The following KMT2C variants were observed in gnomAD, a reference collection of about 807,000 sequenced individuals.
KMT2C encodes the protein histone-lysine N-methyltransferase 2C.
In KMT2C, 88 loss-of-function variants were observed where a neutral mutation model predicts 507.9. The observed-to-expected ratio is 0.17, with a 90% CI of 0.15 to 0.21. KMT2C has a LOEUF of 0.21. Ranked by LOEUF, KMT2C falls within the 10% of genes least tolerant of loss-of-function variation. KMT2C has a pLI of 1.00. For synonymous variants in KMT2C, 2,049 were observed against 2,080.8 expected (o/e 0.98, Z 0.42); for missense variants, 4,954 against 5,957.8 (o/e 0.83, Z 5.55).
intron 2 of KMT2C, among the ~76,000 whole-genome samples, chr7:152,343,450 G>GAAAAAA (rs200886066): frequency 1.4e-5 from 1 of 72,458 alleles, no homozygotes; most frequent in Non-Finnish European, 3.1e-5. Context: ...AAAAGACTGG[G>GAAAAAA]AAAAAAAAAA....
At chr7:152,419,609 A>G (rs968629760) in intron 1 of KMT2C, among the ~76,000 whole-genome samples, 2 of 152,184 alleles carry the variant, frequency 1.3e-5, no homozygotes, top group African/African-American at 4.8e-5. Context: ...TCTGTTTAAC[A>G]TCTTCAATGG....
chr7:152,411,521 A>C (rs1218552657), intron 1 of KMT2C, among the ~76,000 whole-genome samples: 2 of 151,782 alleles, frequency 1.3e-5, no homozygotes. Flanking sequence ...CACACCATCT[A>C]TGAGAAAGAG....
In KMT2C at chr7:152,176,752, G is replaced by A. The variant is rs1275807000; in HGVS notation, c.8701C>T (p.Pro2901Ser). The A allele has an allele frequency of 1.2e-6, 2 of 1,614,188 alleles. No homozygotes were observed. Among genetic ancestry groups the A allele is most frequent in the Non-Finnish European group, 8.5e-7 (1 of 1,180,022 alleles). The stretch of plus-strand genomic sequence containing the variant: ...CAAGAGTTTATTACATCTTGAGCAG[G>A]TAGTTGAGTGGATGCCTGAATGACA... ...ANVIQASTQL[P>S]AQDVINSCGI... The change falls in exon 38 of 59, where the codon CCT (proline) becomes TCT (serine). Residue 2901 changes from proline to serine, a missense_variant. Physicochemically the swap from Pro to Ser is moderately conservative, Grantham distance 74. Coordinates refer to ENST00000262189, the MANE Select transcript of KMT2C (RefSeq NM_170606.3).
intron 23 of KMT2C, 146 bp downstream of exon 23, chr7:152,220,377 A>G: frequency 1.5e-6 from 1 of 670,892 alleles, no homozygotes; most frequent in Non-Finnish European, 2.6e-6. Flanking sequence ...AAGATCACTC[A>G]TTTGGAAATG....
intron 12 of KMT2C, 78 bp downstream of exon 12, chr7:152,250,775 G>C: frequency 3.8e-6 from 3 of 798,854 alleles, no homozygotes; most frequent in Non-Finnish European, 6.3e-6. Flanking sequence ...TTTTACTGAA[G>C]TTTTAGTCAA....
intron 1 of KMT2C, among the ~76,000 whole-genome samples, chr7:152,410,084 T>C (rs2097665188): frequency 6.6e-6 from 1 of 152,240 alleles, no homozygotes; most frequent in Non-Finnish European, 1.5e-5. Context: ...TTATTTGTTC[T>C]TTCCCTGTTT....
At chr7:152,170,660 G>C (rs769060493) in intron 40 of KMT2C, among the ~76,000 whole-genome samples, 2 of 152,002 alleles carry the variant, frequency 1.3e-5, no homozygotes, top group Admixed American at 6.6e-5. Context: ...GCGCCACCAC[G>C]CCTGACTAAT....
intron 1 of KMT2C, among the ~76,000 whole-genome samples, chr7:152,426,283 G>C (rs1390683365): frequency 2.0e-5 from 3 of 146,494 alleles, no homozygotes; most frequent in Non-Finnish European, 4.5e-5. Flanking sequence ...TGTCACCCAG[G>C]CTGGAGTGCA....
chr7:152,412,129 C>A (rs981063595), intron 1 of KMT2C, among the ~76,000 whole-genome samples: 2 of 150,900 alleles, frequency 1.3e-5, no homozygotes, highest in Non-Finnish European at 1.5e-5. Flanking sequence ...TGGCCAAGAG[C>A]GGTGGCTCAT....
At chr7:152,252,451 G>C in intron 10 of KMT2C, 95 bp downstream of exon 10, 1 of 953,674 alleles carries the variant, frequency 1.0e-6, no homozygotes, top group Non-Finnish European at 1.6e-6. Context: ...AATTGCTAGA[G>C]TGATAAAAAC....
At chr7:152,262,920 G>A (rs2095804066) in intron 9 of KMT2C, 96 bp downstream of exon 9, 4 of 798,982 alleles carry the variant, frequency 5.0e-6, no homozygotes, top group Non-Finnish European at 2.0e-6. Flanking sequence ...AAAAGCTGAT[G>A]GTGATGATGT....
chr7:152,251,098 T>A, intron 11 of KMT2C, 132 bp from the exon 12 acceptor site: 1 of 603,988 alleles, frequency 1.7e-6, no homozygotes, highest in Admixed American at 3.0e-5. Context: ...TTCAGATTTT[T>A]CTCTGTTGAA....
chr7:152,301,806 CAT>C (rs1388868384), intron 6 of KMT2C, among the ~76,000 whole-genome samples: 1 of 152,134 alleles, frequency 6.6e-6, no homozygotes, highest in Non-Finnish European at 1.5e-5. Context: ...TATTAAATAA[CAT>C]TATTTATAAA....
At chr7:152,428,969 C>A (rs1182181389) in intron 1 of KMT2C, among the ~76,000 whole-genome samples, 1 of 152,180 alleles carries the variant, frequency 6.6e-6, no homozygotes, top group African/African-American at 2.4e-5. Flanking sequence ...CTTGGCCTCA[C>A]CACTACACAC....
At position 152,310,116 on chromosome 7, in the gene KMT2C, T is replaced by C. The variant is rs187922068; in HGVS notation, c.740-41A>G. 4.4e-4 allele frequency: 571 copies of C among 1,294,912 alleles called. 6 individuals are homozygous for C. In the African/African-American group the frequency reaches 7.6e-3, roughly 17 times the overall value. 80.2% of individuals were successfully genotyped at this position (1,294,912 alleles called of 1,614,324 possible). A position where few individuals can be genotyped will look rare whatever the true frequency, so the allele number is the denominator to read the frequency against. ...TGAAAAGGAGCAAATGAGCAAACAT[T>C]AAAAAAATTAAAGCTAATAAATAAA... is the stretch of plus-strand genomic sequence containing the variant. On this transcript the variant is annotated intron_variant, in intron 5 of 58. Transcript: ENST00000262189.
chr7:152,435,032 GAAGTC>G (rs1223063232), intron 1 of KMT2C, among the ~76,000 whole-genome samples: 1 of 152,150 alleles, frequency 6.6e-6, no homozygotes, highest in Non-Finnish European at 1.5e-5. Context: ...GGGGGAGGAA[GAAGTC>G]AAATGGCTTC....
Position 152,163,415 on chromosome 7 carries a change from T to C in KMT2C, c.10162A>G (p.Asn3388Asp). 6.2e-7 allele frequency: 1 copy of C among 1,614,252 alleles called. No homozygotes were observed. The highest frequency in any genetic ancestry group is 8.5e-7 in the Non-Finnish European group (1 of 1,180,056). The change falls in exon 43 of 59, where the codon AAC becomes GAC. Residue 3388 changes from asparagine to aspartate, a missense_variant. By Grantham distance (23) the Asn-to-Asp change is conservative. Around this residue, in one of 29 missense-constraint regions of KMT2C, gnomAD observed 801 missense variants for 751.2 expected, o/e 1.07. Coordinates refer to ENST00000262189, the MANE Select transcript of KMT2C (RefSeq NM_170606.3). The stretch of plus-strand genomic sequence containing the variant: ...TGAAAACTTTCACTAAAGGGATTGT[T>C]GTCATCAAATTCTACCCGAGGTGGT... ...GPPPRVEFDD[N>D]NPFSESFQER...
chr7:152,214,156 TAG>T (rs1029799099), intron 23 of KMT2C, among the ~76,000 whole-genome samples: 1 of 149,298 alleles, frequency 6.7e-6, no homozygotes, highest in African/African-American at 2.6e-5. Context: ...GAAAACAGTA[TAG>T]AGTTTCCTTA....
At chr7:152,306,550 G>A (rs113660532) in intron 6 of KMT2C, among the ~76,000 whole-genome samples, 4 of 151,998 alleles carry the variant, frequency 2.6e-5, no homozygotes, top group African/African-American at 7.3e-5. Flanking sequence ...CCAATATTTC[G>A]CAAATTAAAT....
Sources: gnomAD v4.1 joint callset for allele counts (sites outside exome capture counted in the v4.1 genomes callset) on GRCh38, gnomAD v4.1.1 for gene constraint, gnomAD v4.1.1 regional missense constraint, MANE v1.5 for transcripts, NCBI Gene and HGNC (gene_info 2026-07-23, HGNC 2026-07-21) for gene names.